The following KIAA0513 variants were observed in gnomAD, a reference collection of about 807,000 sequenced individuals.
KIAA0513 encodes the protein uncharacterized protein KIAA0513.
In KIAA0513, 39 loss-of-function variants were observed where a neutral mutation model predicts 56.5. That is an observed-to-expected ratio of 0.69 (90% CI 0.53 to 0.90). The LOEUF (loss-of-function observed/expected upper bound fraction) is 0.90, where lower values mean the gene tolerates loss of function less well. Ranked by LOEUF, KIAA0513 falls within the 40% of genes least tolerant of loss-of-function variation. The pLI is 0.00. For synonymous variants in KIAA0513, 268 were observed against 215.6 expected (o/e 1.24, Z -2.13); for missense variants, 591 against 535.2 (o/e 1.10, Z -1.03).
intron 1 of KIAA0513, among the ~76,000 whole-genome samples, chr16:85,060,224 G>A (rs11643102): frequency 2.6e-5 from 4 of 152,222 alleles, no homozygotes; most frequent in African/African-American, 9.6e-5. Context: ...GCCTCCCAAA[G>A]TGTTGGGATT....
At chr16:85,048,331 A>G (rs1045395217) in intron 1 of KIAA0513, among the ~76,000 whole-genome samples, 9 of 152,198 alleles carry the variant, frequency 5.9e-5, no homozygotes, top group Non-Finnish European at 1.2e-4. Context: ...AGTGTCAGAA[A>G]GGTATCGATG....
intron 1 of KIAA0513, among the ~76,000 whole-genome samples, chr16:85,049,953 C>T (rs1251163042): frequency 6.6e-6 from 1 of 152,170 alleles, no homozygotes; most frequent in Non-Finnish European, 1.5e-5. Context: ...AGTGGAAGGC[C>T]AAGTCGGTCT....
At chr16:85,033,660 TG>T (rs1215985247) in intron 1 of KIAA0513, among the ~76,000 whole-genome samples, 34 of 121,404 alleles carry the variant, frequency 2.8e-4, no homozygotes, top group Admixed American at 2.7e-3. Flanking sequence ...CCCTTTGGGC[TG>T]GGGGTGGGGG....
At chr16:85,028,793 C>T (rs940614702) in intron 1 of KIAA0513, among the ~76,000 whole-genome samples, 2 of 152,216 alleles carry the variant, frequency 1.3e-5, no homozygotes, top group African/African-American at 2.4e-5. Context: ...CAGGAACAGC[C>T]TCTGAGCTGG....
chr16:85,078,450 G>T lies in KIAA0513; in HGVS notation c.818G>T (p.Arg273Met). The T allele has an allele frequency of 6.2e-7, 1 of 1,613,702 alleles. No homozygotes were observed. ...AACAAACCCCAGGAGAAGCGGCCCAGGGCTGGTGAGTCTGCCCAGGCAGCA... is the reference window on the plus strand; with the variant it reads ...AACAAACCCCAGGAGAAGCGGCCCATGGCTGGTGAGTCTGCCCAGGCAGCA... ...DENKPQEKRP[R>M]AVTAYSPEDE... The change falls in exon 7 of 13, where the codon AGG (arginine) becomes ATG (methionine). Residue 273 changes from arginine to methionine, a missense_variant. Arg to Met is a moderately conservative substitution (Grantham distance 91, BLOSUM62 -1). Transcript: ENST00000683363.
intron 1 of KIAA0513, among the ~76,000 whole-genome samples, chr16:85,032,360 C>G (rs990541344): frequency 6.6e-6 from 1 of 152,232 alleles, no homozygotes; most frequent in Non-Finnish European, 1.5e-5. Context: ...TTTCTTGAGA[C>G]AGAGTCTCTG....
At chr16:85,086,040 G>A (rs1182617290) in intron 10 of KIAA0513, among the ~76,000 whole-genome samples, 1 of 152,212 alleles carries the variant, frequency 6.6e-6, no homozygotes, top group East Asian at 1.9e-4. Context: ...CCAACATGGA[G>A]AAACCGCAGC....
chr16:85,087,205 G>A, intron 12 of KIAA0513, 39 bp downstream of exon 12: 3 of 1,543,726 alleles, frequency 1.9e-6, no homozygotes, highest in African/African-American at 1.4e-5. Flanking sequence ...GGCGGGCAGG[G>A]CTGGGGTCAG....
rs2144060439 is a variant in KIAA0513, at chr16:85,076,271, A to G, written c.574+357A>G. Among the ~76,000 whole-genome samples the G allele has an allele frequency of 6.6e-6, 1 of 152,214 alleles. No homozygotes were observed. The highest frequency in any genetic ancestry group is 1.9e-4 in the East Asian group (1 of 5,194). On this transcript the variant is annotated intron_variant, in intron 5 of 12. Coordinates refer to ENST00000683363, the MANE Select transcript of KIAA0513 (RefSeq NM_001388359.1). This position sits in a 1 kb window ranked among gnomAD's most constrained non-coding sequence, Gnocchi z 4.7. ...AGTTATCAGTTTTATGTTTTACCAAAACAAGACGACACAGTTGGTTGTTGG... is the reference window on the plus strand; with the variant it reads ...AGTTATCAGTTTTATGTTTTACCAAGACAAGACGACACAGTTGGTTGTTGG...
intron 10 of KIAA0513, among the ~76,000 whole-genome samples, chr16:85,085,886 T>C (rs149162733): frequency 6.6e-6 from 1 of 152,328 alleles, no homozygotes; most frequent in Non-Finnish European, 1.5e-5. Flanking sequence ...TTTTCAGCAC[T>C]TTGTTCTCAC....
At position 85,090,611 on chromosome 16, in the gene KIAA0513, C is replaced by G. The variant is rs2073858033; in HGVS notation, c.*2286C>G. 1 of 152,252 alleles carries G rather than the reference C, an allele frequency of 6.6e-6. No homozygotes were observed. Among genetic ancestry groups the G allele is most frequent in the Non-Finnish European group, 1.5e-5 (1 of 68,094 alleles). The allele number at this position is 152,252 out of a possible 1,614,324, so 9.4% of individuals were successfully genotyped here. On this transcript the variant is annotated 3_prime_UTR_variant, in exon 13 of 13. Coordinates refer to ENST00000683363, the MANE Select transcript of KIAA0513 (RefSeq NM_001388359.1). ...CAGGGGAGGAAAGGGTTGGGGTTTT[C>G]TTTGTTTGTTTGTTTGTTTCCCCCT...
At chr16:85,050,312 G>T (rs1442724961) in intron 1 of KIAA0513, among the ~76,000 whole-genome samples, 1 of 150,688 alleles carries the variant, frequency 6.6e-6, no homozygotes, top group Non-Finnish European at 1.5e-5. Flanking sequence ...TACTCTGGAG[G>T]AGCTGTTGAT....
At chr16:85,071,718 T>C in intron 2 of KIAA0513, 65 bp from the exon 3 acceptor site, 3 of 1,307,170 alleles carry the variant, frequency 2.3e-6, no homozygotes, top group South Asian at 2.7e-5. Flanking sequence ...GCTCTTCCCC[T>C]GTTGCTCCAG....
At chr16:85,064,988 A>G (rs993237631) in intron 1 of KIAA0513, among the ~76,000 whole-genome samples, 1 of 152,170 alleles carries the variant, frequency 6.6e-6, no homozygotes, top group Non-Finnish European at 1.5e-5. Context: ...CCCGGCCTAT[A>G]ATTGTATTTC....
chr16:85,043,916 C>T (rs2073137105), intron 1 of KIAA0513, among the ~76,000 whole-genome samples: 1 of 152,182 alleles, frequency 6.6e-6, no homozygotes, highest in African/African-American at 2.4e-5. Flanking sequence ...CCTGTAATCC[C>T]AGCTACTCGG....
intron 1 of KIAA0513, among the ~76,000 whole-genome samples, chr16:85,050,352 TTTATTTA>T (rs754668510): frequency 0.033 from 2,819 of 84,590 alleles, 72 homozygotes; most frequent in African/African-American, 0.091. Flanking sequence ...TATTTATTTA[TTTATTTA>T]TTTTTTTTGA....
Position 85,057,428 on chromosome 16 carries a change from T to C in KIAA0513, c.-172-9472T>C, listed in dbSNP as rs540997492. ...GTGGTGTGATTGGGCCCCCAGTGGC[T>C]GGACTCTGCAACTGACCTTGCAGAC... On this transcript the variant is annotated intron_variant, in intron 1 of 12. Transcript: ENST00000683363. 2.0e-3 allele frequency among the ~76,000 whole-genome samples: 307 copies of C among 152,324 alleles called. 2 individuals carry two copies. The highest frequency in any genetic ancestry group is 7.0e-3 in the African/African-American group (291 of 41,574).
chr16:85,051,336 A>G (rs1173276684), intron 1 of KIAA0513, among the ~76,000 whole-genome samples: 1 of 152,218 alleles, frequency 6.6e-6, no homozygotes, highest in Non-Finnish European at 1.5e-5. Flanking sequence ...GTCATAAAAT[A>G]GGACCTATCT....
intron 1 of KIAA0513, among the ~76,000 whole-genome samples, chr16:85,029,611 A>C (rs1055085160): frequency 1.3e-5 from 2 of 152,184 alleles, no homozygotes; most frequent in African/African-American, 4.8e-5. Flanking sequence ...GGGATGAGTC[A>C]TGCTGTCTGC....
Sources: allele counts gnomAD v4.1 joint callset (sites outside exome capture counted in the v4.1 genomes callset), GRCh38; gene constraint gnomAD v4.1.1; non-coding constraint Gnocchi (gnomAD v3.1); transcripts MANE v1.5; gene names NCBI Gene and HGNC (gene_info 2026-07-23, HGNC 2026-07-21).